The following ST7 variants were observed in gnomAD, a reference collection of about 807,000 sequenced individuals.
The protein encoded by ST7 is suppressor of tumorigenicity 7 protein.
ST7 carries 28 observed loss-of-function variants against 78.7 expected under a neutral mutation model. That is an observed-to-expected ratio of 0.36 (90% CI 0.26 to 0.49). The LOEUF (loss-of-function observed/expected upper bound fraction) is 0.49, where lower values mean the gene tolerates loss of function less well. Among genes scored for constraint, ST7 ranks in the 20% least tolerant of loss-of-function variants. ST7 has a pLI of 0.99. For missense variants in ST7, 418 were observed against 696.0 expected (o/e 0.60, Z 4.49); for synonymous variants, 247 against 249.6 (o/e 0.99, Z 0.10).
chr7:117,189,718 G>C (rs1809600615), intron 11 of ST7, among the ~76,000 whole-genome samples: 1 of 152,004 alleles, frequency 6.6e-6, no homozygotes, highest in African/African-American at 2.4e-5. Context: ...TTTGTTTTTT[G>C]CACATTCCTC....
intron 1 of ST7, among the ~76,000 whole-genome samples, chr7:117,001,627 G>T (rs571418530): frequency 3.3e-5 from 5 of 152,238 alleles, no homozygotes; most frequent in South Asian, 4.1e-4. Flanking sequence ...TTGGAAGAAG[G>T]TATATCTTAT....
At chr7:117,205,952 T>C (rs960183792) in intron 12 of ST7, among the ~76,000 whole-genome samples, 2 of 152,256 alleles carry the variant, frequency 1.3e-5, no homozygotes, top group East Asian at 3.8e-4. Flanking sequence ...TGCATACTTG[T>C]GGATAGGGAT....
At chr7:117,120,371 G>A (rs1469147519) in intron 3 of ST7, among the ~76,000 whole-genome samples, 3 of 152,154 alleles carry the variant, frequency 2.0e-5, no homozygotes, top group African/African-American at 7.2e-5. Flanking sequence ...AGAATCTTGT[G>A]TCTAACTAGA....
At chr7:116,956,767 T>C (rs1792523576) in intron 1 of ST7, 1 of 409,890 alleles carries the variant, frequency 2.4e-6, no homozygotes, top group Non-Finnish European at 4.9e-6. Context: ...AGATGCCTCC[T>C]AATGTACTAT....
At chr7:117,132,275 A>G (rs1213046835) in intron 6 of ST7, among the ~76,000 whole-genome samples, 2 of 151,764 alleles carry the variant, frequency 1.3e-5, no homozygotes, top group Non-Finnish European at 2.9e-5. Flanking sequence ...GACAGGGAAA[A>G]TTTTCCAGAT....
intron 12 of ST7, among the ~76,000 whole-genome samples, chr7:117,208,904 T>G (rs770417834): frequency 9.4e-3 from 106 of 11,238 alleles, no homozygotes; most frequent in Middle Eastern, 0.083. Context: ...TATGTGTGGG[T>G]GTGTGTGTGT....
At chr7:116,996,218 A>G (rs1191888415) in intron 1 of ST7, among the ~76,000 whole-genome samples, 1 of 151,784 alleles carries the variant, frequency 6.6e-6, no homozygotes, top group Non-Finnish European at 1.5e-5. Flanking sequence ...AGTAGCTGGG[A>G]CTACAGGCAT....
intron 1 of ST7, among the ~76,000 whole-genome samples, chr7:117,026,716 T>C (rs1796200254): frequency 6.6e-6 from 1 of 152,328 alleles, no homozygotes; most frequent in Middle Eastern, 3.4e-3. Context: ...GTGTGACTTA[T>C]CCAATGAACT....
intron 1 of ST7, among the ~76,000 whole-genome samples, chr7:117,076,352 G>C (rs552788730): frequency 6.6e-6 from 1 of 152,154 alleles, no homozygotes; most frequent in Non-Finnish European, 1.5e-5. Flanking sequence ...AGCTGATCAG[G>C]ATACCAATTT....
intron 1 of ST7, among the ~76,000 whole-genome samples, chr7:117,060,491 C>A (rs189895249): frequency 3.9e-4 from 60 of 152,210 alleles, no homozygotes; most frequent in African/African-American, 1.4e-3. Flanking sequence ...AATATGAAGA[C>A]TAAATGCTTG....
intron 1 of ST7, chr7:117,071,966 A>G (rs906020603): frequency 2.0e-5 from 3 of 152,244 alleles, no homozygotes; most frequent in African/African-American, 7.2e-5. Flanking sequence ...AGAGTGAGGG[A>G]TAAGAGGTTT....
chr7:117,218,902 G>A, intron 13 of ST7, 182 bp from the exon 14 acceptor site: 1 of 569,694 alleles, frequency 1.8e-6, no homozygotes, highest in East Asian at 3.0e-5. Context: ...TGAGATGAAT[G>A]TGTGAGTAAT....
At chr7:117,193,018 C>G (rs1809937765) in intron 12 of ST7, among the ~76,000 whole-genome samples, 1 of 152,136 alleles carries the variant, frequency 6.6e-6, no homozygotes, top group African/African-American at 2.4e-5. Flanking sequence ...GATGTGTTTC[C>G]AGATCCTCTT....
chr7:117,011,072 G>A (rs968576232), intron 1 of ST7, among the ~76,000 whole-genome samples: 2 of 152,200 alleles, frequency 1.3e-5, no homozygotes, highest in Non-Finnish European at 1.5e-5. Context: ...TAAGAGGTGT[G>A]ACCCACCAGG....
intron 1 of ST7, among the ~76,000 whole-genome samples, chr7:117,011,036 T>C (rs1409344112): frequency 6.6e-6 from 1 of 152,222 alleles, no homozygotes; most frequent in East Asian, 1.9e-4. Context: ...AGAAGCTTTA[T>C]TGCTGGCACC....
chr7:117,076,970 G>A (rs1799392005), intron 1 of ST7, among the ~76,000 whole-genome samples: 1 of 152,150 alleles, frequency 6.6e-6, no homozygotes, highest in African/African-American at 2.4e-5. Context: ...CAAACGAATT[G>A]GATGGTAAAT....
chr7:117,072,929 G>A (rs1197154062), intron 1 of ST7: 1 of 152,266 alleles, frequency 6.6e-6, no homozygotes, highest in Non-Finnish European at 1.5e-5. Flanking sequence ...GGGGCAATAA[G>A]GGCACCTGGT....
chr7:117,111,194 A>G (rs1802403040), intron 2 of ST7, among the ~76,000 whole-genome samples: 2 of 152,216 alleles, frequency 1.3e-5, no homozygotes, highest in Admixed American at 6.5e-5. Context: ...GAGAGGCAGC[A>G]TTGAGGTAAA....
intron 12 of ST7, among the ~76,000 whole-genome samples, chr7:117,195,728 CA>C (rs1164453078): frequency 6.6e-6 from 1 of 152,182 alleles, no homozygotes; most frequent in Non-Finnish European, 1.5e-5. Flanking sequence ...TCCCATGATT[CA>C]GTTACCTCCC....
Sources: gnomAD v4.1 joint callset for allele counts (sites outside exome capture counted in the v4.1 genomes callset) on GRCh38, gnomAD v4.1.1 for gene constraint, MANE v1.5 for transcripts, NCBI Gene and HGNC (gene_info 2026-07-23, HGNC 2026-07-21) for gene names.